The following NSUN2 variants were observed in gnomAD, a reference collection of about 807,000 sequenced individuals.
NSUN2 encodes RNA cytosine C(5)-methyltransferase NSUN2.
A neutral mutation model predicts 92.7 loss-of-function variants in NSUN2; 63 were observed. The ratio of observed to expected loss-of-function variants is 0.68; its 90% CI spans 0.56 to 0.84. The LOEUF (loss-of-function observed/expected upper bound fraction) is 0.84. Ranked by LOEUF, NSUN2 falls within the 40% of genes least tolerant of loss-of-function variation. The pLI, the probability that NSUN2 is intolerant of heterozygous loss-of-function variation, is 0.00. For synonymous variants in NSUN2, 356 were observed against 348.3 expected, an observed-to-expected ratio of 1.02 and a Z score of -0.25; for missense variants, 989 against 964.9, an observed-to-expected ratio of 1.02 and a Z score of -0.33.
intron 3 of NSUN2, among the ~76,000 whole-genome samples, chr5:6,626,246 C>T (rs781745643): frequency 2.6e-5 from 4 of 152,134 alleles, no homozygotes; most frequent in Admixed American, 6.5e-5. Context: ...CTATATATAA[C>T]TAAGAATAAA....
chr5:6,614,996 C>A (rs1045102963), intron 9 of NSUN2, among the ~76,000 whole-genome samples: 2 of 152,082 alleles, frequency 1.3e-5, no homozygotes, highest in Non-Finnish European at 2.9e-5. Context: ...GAGTACTTAA[C>A]TAGCCAACAC....
intron 12 of NSUN2, 128 bp downstream of exon 12, chr5:6,609,698 G>A (rs576110249): frequency 3.1e-5 from 21 of 686,990 alleles, no homozygotes; most frequent in Non-Finnish European, 5.0e-5. Flanking sequence ...CCTCATTCAG[G>A]GTCAGCTCTC....
chr5:6,628,738 A>G (rs1159012468), intron 3 of NSUN2, among the ~76,000 whole-genome samples: 1 of 152,226 alleles, frequency 6.6e-6, no homozygotes, highest in East Asian at 1.9e-4. Flanking sequence ...TTTAGAGAAT[A>G]CAGCTGCCAA....
intron 9 of NSUN2, among the ~76,000 whole-genome samples, chr5:6,613,749 A>G (rs1385893311): frequency 2.0e-5 from 3 of 152,250 alleles, no homozygotes; most frequent in Admixed American, 6.5e-5. Context: ...TACCTTGTCA[A>G]TTGGTTCAGA....
chr5:6,608,912 G>A lies in NSUN2; in HGVS notation c.1323+914C>T, dbSNP rs3776438. Among the ~76,000 whole-genome samples, 122 of 152,296 alleles carry A rather than the reference G, an allele frequency of 8.0e-4. 2 individuals carry two copies. In the East Asian group the frequency reaches 0.019, roughly 24 times the overall value. On this transcript the variant is annotated intron_variant, in intron 12 of 18. Coordinates refer to ENST00000264670, the MANE Select transcript of NSUN2 (RefSeq NM_017755.6). ...TCCATGAAAATAACATTCCATCAGCGTTAAGATACCTTGTGAGACTTTTAG... is the reference window on the plus strand; with the variant it reads ...TCCATGAAAATAACATTCCATCAGCATTAAGATACCTTGTGAGACTTTTAG...
intron 7 of NSUN2, among the ~76,000 whole-genome samples, chr5:6,618,451 G>C (rs1015960173): frequency 6.6e-6 from 1 of 152,012 alleles, no homozygotes; most frequent in Non-Finnish European, 1.5e-5. Context: ...TAATATATTA[G>C]CTAAATTTTT....
intron 11 of NSUN2, among the ~76,000 whole-genome samples, chr5:6,610,244 CTTTT>C (rs1268625496): frequency 6.8e-6 from 1 of 146,430 alleles, no homozygotes; most frequent in East Asian, 2.0e-4. Flanking sequence ...TTGTATTTTT[CTTTT>C]TTTTTTTCTG....
intron 3 of NSUN2, among the ~76,000 whole-genome samples, chr5:6,631,453 C>G (rs1737888712): frequency 1.3e-5 from 2 of 152,008 alleles, no homozygotes; most frequent in Non-Finnish European, 2.9e-5. Flanking sequence ...GACAACCTGA[C>G]AGCAGACAGT....
At chr5:6,629,524 C>T (rs1345699811) in intron 3 of NSUN2, among the ~76,000 whole-genome samples, 1 of 152,178 alleles carries the variant, frequency 6.6e-6, no homozygotes, top group Admixed American at 6.5e-5. Context: ...ATTTCTTATC[C>T]CGTCTCTGCG....
intron 3 of NSUN2, among the ~76,000 whole-genome samples, chr5:6,628,453 A>C (rs1737743837): frequency 6.6e-6 from 1 of 152,234 alleles, no homozygotes; most frequent in Non-Finnish European, 1.5e-5. Context: ...ATAATTTCTC[A>C]TTGTTCTGAG....
At chr5:6,632,457 C>T (rs1737958938) in intron 2 of NSUN2, 142 bp downstream of exon 2, 2 of 918,490 alleles carry the variant, frequency 2.2e-6, no homozygotes, top group South Asian at 1.6e-5. Flanking sequence ...CCCTGTGCTC[C>T]CCACCTCAAT....
chr5:6,614,542 T>C (rs7701663), intron 9 of NSUN2, among the ~76,000 whole-genome samples: 87,151 of 151,478 alleles, frequency 0.58, 25,890 homozygotes, highest in Non-Finnish European at 0.66. Flanking sequence ...GAATGATGGT[T>C]CCCCACTGCT....
In NSUN2 at chr5:6,599,390, AT is replaced by A. The variant is rs1400344286; in HGVS notation, c.*535del. On this transcript the variant is annotated 3_prime_UTR_variant, in exon 19 of 19. Coordinates refer to ENST00000264670, the MANE Select transcript of NSUN2 (RefSeq NM_017755.6). ...TACAGCTCTTACTCTGGGAGAGTTT[AT>A]TTTACCCTTTATTCCAAAAGGCACA... The A allele has an allele frequency of 2.0e-5, 3 of 152,774 alleles. No individual in the cohort carries two copies. Among genetic ancestry groups the A allele is most frequent in the African/African-American group, 7.2e-5 (3 of 41,432 alleles). 9.5% of individuals were successfully genotyped at this position (152,774 alleles called of 1,614,324 possible). A position where few individuals can be genotyped will look rare whatever the true frequency, so the allele number is the denominator to read the frequency against.
chr5:6,627,398 TTA>T (rs1737692749), intron 3 of NSUN2, among the ~76,000 whole-genome samples: 1 of 152,206 alleles, frequency 6.6e-6, no homozygotes, highest in Non-Finnish European at 1.5e-5. Context: ...ATCATGTAAG[TTA>T]TTGCCTTACC....
chr5:6,615,648 C>T (rs1038704939), intron 9 of NSUN2, among the ~76,000 whole-genome samples: 1 of 152,200 alleles, frequency 6.6e-6, no homozygotes, highest in Non-Finnish European at 1.5e-5. Context: ...GGGCACAACC[C>T]AGACCAGCCA....
Position 6,616,862 on chromosome 5 carries a change from G to A in NSUN2, c.891-5C>T, listed in dbSNP as rs201882330. ...GTTGCAATCCGCAGCTGTAAGCTAA[G>A]GGGAGATATCAGATGACTGCAAGGC... On this transcript the variant is annotated splice_polypyrimidine_tract_variant and splice_region_variant and intron_variant, in intron 8 of 18. Transcript: ENST00000264670. The A allele has an allele frequency of 6.2e-7, 1 of 1,611,562 alleles. No homozygotes were observed. The highest frequency in any genetic ancestry group is 2.2e-5 in the East Asian group (1 of 44,822).
chr5:6,617,661 C>T (rs371851684), intron 8 of NSUN2, among the ~76,000 whole-genome samples: 2 of 152,168 alleles, frequency 1.3e-5, no homozygotes, highest in African/African-American at 4.8e-5. Context: ...GTAATGCATA[C>T]ATCAAGAGGT....
intron 11 of NSUN2, 142 bp from the exon 12 acceptor site, chr5:6,610,064 AATT>A: frequency 7.4e-6 from 4 of 540,626 alleles, no homozygotes; most frequent in Admixed American, 3.8e-5. Flanking sequence ...TGTAAACTTA[AATT>A]TTTTTTTTTT....
At chr5:6,605,566 T>G (rs542747522) in intron 14 of NSUN2, among the ~76,000 whole-genome samples, 158 bp from the exon 15 acceptor site, 255 of 152,234 alleles carry the variant, frequency 1.7e-3, no homozygotes, top group African/African-American at 6.0e-3. Context: ...CTAAACTTCA[T>G]CCACTTCCAC....
Sources: gnomAD v4.1 joint callset for allele counts (sites outside exome capture counted in the v4.1 genomes callset) on GRCh38, gnomAD v4.1.1 for gene constraint, MANE v1.5 for transcripts, NCBI Gene and HGNC (gene_info 2026-07-23, HGNC 2026-07-21) for gene names.